Variants in VOPP1 observed in about 807,000 individuals in gnomAD.
The protein encoded by VOPP1 is WW domain binding protein VOPP1.
A neutral mutation model predicts 23.5 loss-of-function variants in VOPP1; 8 were observed. That is an observed-to-expected ratio of 0.34 (90% confidence interval 0.20 to 0.61). The LOEUF (loss-of-function observed/expected upper bound fraction) is 0.61, where lower values mean the gene tolerates loss of function less well. VOPP1 is among the 20% of genes least tolerant of loss of function. The probability of loss-of-function intolerance (pLI) is 0.78; values close to 1 mark genes in which losing one functional copy is unlikely to be tolerated. For synonymous variants in VOPP1, 83 were observed against 97.3 expected, an observed-to-expected ratio of 0.85 and a Z score of 0.86; for missense variants, 174 against 238.1, an observed-to-expected ratio of 0.73 and a Z score of 1.77.
chr7:55,561,783 T>A, intron 1 of VOPP1: 2 of 469,392 alleles, frequency 4.3e-6, no homozygotes, highest in Non-Finnish European at 7.7e-6. Context: ...AATTACAGTA[T>A]CTGAGCTCAG....
chr7:55,473,179 C>T (rs1405393248), intron 4 of VOPP1, 134 bp from the exon 5 acceptor site: 7 of 1,360,920 alleles, frequency 5.1e-6, no homozygotes, highest in East Asian at 3.0e-5. Flanking sequence ...CCAACATGCC[C>T]GGTGAGGGGG....
intron 3 of VOPP1, among the ~76,000 whole-genome samples, chr7:55,495,456 C>A (rs1218631548): frequency 6.6e-6 from 1 of 152,226 alleles, no homozygotes; most frequent in Admixed American, 6.5e-5. Context: ...ATCCTCACCA[C>A]AGAAGCTTCC....
chr7:55,492,350 G>A lies in VOPP1; in HGVS notation c.260C>T (p.Pro87Leu), dbSNP rs540505200. The change falls in exon 4 of 5, where the codon CCC (proline) becomes CTC (leucine). Residue 87 changes from proline (P) to leucine (L), a missense_variant. Pro to Leu is a moderately conservative substitution (Grantham distance 98). Transcript: ENST00000285279. ...GGCTGGCTCCTCGATCAGCGGCGGG[G>A]GGTACATGCGCCTCCGGATGAAGAA... ...AGFFIRRRMYPPPLIEEPAFN... is the reference protein window; with the variant it reads ...AGFFIRRRMYLPPLIEEPAFN... 6.2e-7 allele frequency: 1 copy of A among 1,609,150 alleles called. No individual in the cohort carries two copies. The highest frequency in any genetic ancestry group is 1.7e-5 in the Admixed American group (1 of 59,278).
chr7:55,529,364 C>CA lies in VOPP1; in HGVS notation c.55-8235dup, dbSNP rs58601889. ...TGGGTGACAGAGCAAGATTCCGTCT[C>CA]AAAAAAAAAAAAAAAAAAAAAAAAA... On this transcript the variant is annotated intron_variant, in intron 1 of 4. Coordinates refer to ENST00000285279, the MANE Select transcript of VOPP1 (RefSeq NM_030796.5). Among the ~76,000 whole-genome samples, 43 of 107,464 alleles carry CA rather than the reference C, an allele frequency of 4.0e-4. 1 individual carries two copies. Among genetic ancestry groups the CA allele is most frequent in the African/African-American group, 1.8e-3 (42 of 23,468 alleles). 70.5% of individuals were successfully genotyped at this position (107,464 alleles called of 152,430 possible). A position where few individuals can be genotyped will look rare whatever the true frequency, so the allele number is the denominator to read the frequency against.
intron 1 of VOPP1, among the ~76,000 whole-genome samples, chr7:55,560,765 C>T (rs769247634): frequency 1.3e-5 from 2 of 152,300 alleles, no homozygotes; most frequent in Non-Finnish European, 2.9e-5. Flanking sequence ...CCTCACTCTC[C>T]CTTCTCTGCA....
chr7:55,485,748 G>A (rs767298152), intron 4 of VOPP1, among the ~76,000 whole-genome samples: 28 of 152,188 alleles, frequency 1.8e-4, no homozygotes, highest in African/African-American at 2.7e-4. Flanking sequence ...CAGGTTGGAC[G>A]TGTTAGGCAC....
chr7:55,475,289 G>A (rs1792155471), intron 4 of VOPP1, among the ~76,000 whole-genome samples: 1 of 152,296 alleles, frequency 6.6e-6, no homozygotes, highest in South Asian at 2.1e-4. Flanking sequence ...GAAGGCACCC[G>A]AGACAGTGGG....
chr7:55,494,080 A>T (rs1187750225), intron 3 of VOPP1, among the ~76,000 whole-genome samples: 1 of 152,144 alleles, frequency 6.6e-6, no homozygotes, highest in Non-Finnish European at 1.5e-5. Flanking sequence ...GGAGGCCTGG[A>T]GGCTCAGTCC....
At chr7:55,470,308 A>C (rs1310404218), downstream of VOPP1, among the ~76,000 whole-genome samples, 33 of 152,228 alleles carry the variant, frequency 2.2e-4, no homozygotes. Flanking sequence ...CTGACCAAGC[A>C]GAGCTGTGTT....
chr7:55,491,626 C>T (rs978807434), intron 4 of VOPP1, among the ~76,000 whole-genome samples: 2 of 152,176 alleles, frequency 1.3e-5, no homozygotes, highest in Non-Finnish European at 2.9e-5. Flanking sequence ...TCCACACCAC[C>T]CACCACAGTA....
intron 4 of VOPP1, among the ~76,000 whole-genome samples, chr7:55,440,080 G>A (rs909664040): frequency 6.6e-6 from 1 of 152,246 alleles, no homozygotes; most frequent in African/African-American, 2.4e-5. Flanking sequence ...GTCACCGCTG[G>A]TGAGAGCGGG....
chr7:55,538,683 A>C (rs557832198), intron 1 of VOPP1: 2 of 1,535,198 alleles, frequency 1.3e-6, no homozygotes, highest in East Asian at 2.4e-5. Flanking sequence ...AAACAGCTAC[A>C]AACTACTTAG....
At chr7:55,527,835 G>A (rs911901425) in intron 1 of VOPP1, among the ~76,000 whole-genome samples, 4 of 152,042 alleles carry the variant, frequency 2.6e-5, no homozygotes, top group African/African-American at 9.7e-5. Context: ...CCTATTTTAA[G>A]AGACAATATT....
At chr7:55,507,846 T>G (rs961722929) in intron 2 of VOPP1, among the ~76,000 whole-genome samples, 18 of 152,136 alleles carry the variant, frequency 1.2e-4, no homozygotes, top group Non-Finnish European at 2.4e-4. Flanking sequence ...CATGGCGAAG[T>G]CAAACATCTC....
chr7:55,552,914 G>A lies in VOPP1; in HGVS notation c.54+19357C>T, dbSNP rs1207698050. 21 of 1,046,844 alleles carry A rather than the reference G, an allele frequency of 2.0e-5. No homozygotes were observed. In the East Asian group the frequency reaches 6.3e-4, roughly 31 times the overall value. The allele number at this position is 1,046,844 out of a possible 1,614,324, so 64.8% of individuals were successfully genotyped here. On this transcript the variant is annotated intron_variant, in intron 1 of 4. Transcript: ENST00000285279. ...TGAACCCGAAGAAAAAATTATACGT[G>A]CTGCTAGCTGCAAATTGCTGACAAA...
intron 1 of VOPP1, among the ~76,000 whole-genome samples, chr7:55,522,911 G>A (rs920764398): frequency 1.3e-5 from 2 of 152,206 alleles, no homozygotes; most frequent in Non-Finnish European, 2.9e-5. Context: ...CATCACTAAT[G>A]CACTGCATTT....
In VOPP1 at chr7:55,572,294, G is replaced by A; in HGVS notation, c.31C>T (p.Leu11=). The change falls in exon 1 of 5, where the codon CTG becomes TTG. Residue 11 remains leucine (L), a synonymous_variant. Coordinates refer to ENST00000285279, the MANE Select transcript of VOPP1 (RefSeq NM_030796.5). MRRQPAKVAA[L]LLGLLLECTE... The stretch of plus-strand genomic sequence containing the variant: ...ACCTCCAAGAGCAGCCCGAGCAGCA[G>A]CGCCGCCACCTTCGCAGGCTGGCGC... 1 of 1,517,220 alleles carries A rather than the reference G, an allele frequency of 6.6e-7. No individual in the cohort carries two copies. Among genetic ancestry groups the A allele is most frequent in the Non-Finnish European group, 8.8e-7 (1 of 1,142,258 alleles). The allele number at this position is 1,517,220 out of a possible 1,614,324, so 94.0% of individuals were successfully genotyped here. A position where few individuals can be genotyped will look rare whatever the true frequency, so the allele number is the denominator to read the frequency against.
intron 1 of VOPP1, among the ~76,000 whole-genome samples, chr7:55,570,439 G>A (rs1009340050): frequency 5.3e-5 from 8 of 152,104 alleles, no homozygotes; most frequent in Admixed American, 4.6e-4. Context: ...TGCCTTTAAG[G>A]TCGTTTCAAC....
At chr7:55,497,575 G>GCT (rs1794054448) in intron 3 of VOPP1, 38 bp downstream of exon 3, 1 of 1,331,940 alleles carries the variant, frequency 7.5e-7, no homozygotes, top group African/African-American at 1.5e-5. Context: ...GGGGGGCAGA[G>GCT]CTCTCGGGGT....
Sources: allele counts gnomAD v4.1 joint callset (sites outside exome capture counted in the v4.1 genomes callset), GRCh38; gene constraint gnomAD v4.1.1; transcripts MANE v1.5; gene names NCBI Gene and HGNC (gene_info 2026-07-23, HGNC 2026-07-21).